The following TBCD variants were observed in gnomAD, a reference collection of about 807,000 sequenced individuals.
TBCD encodes tubulin folding cofactor D.
TBCD carries 105 observed loss-of-function variants against 169.3 expected under a neutral mutation model. That is an observed-to-expected ratio of 0.62 (90% CI 0.53 to 0.73). The LOEUF (loss-of-function observed/expected upper bound fraction) is 0.73. Among genes scored for constraint, TBCD ranks in the 30% least tolerant of loss-of-function variants. The pLI is 0.00. For missense variants in TBCD, 1,444 were observed against 1,600.1 expected (o/e 0.90, Z 1.66); for synonymous variants, 700 against 643.9 (o/e 1.09, Z -1.32).
chr17:82,787,524 T>G (rs1479137198), intron 7 of TBCD, among the ~76,000 whole-genome samples: 1 of 152,200 alleles, frequency 6.6e-6, no homozygotes, highest in East Asian at 1.9e-4. Context: ...CAGGAGGAAG[T>G]CGTGCTGGGT....
chr17:82,887,148 T>TGTGTGTGTGTGTGTGTGTGTGTGC, intron 15 of TBCD, among the ~76,000 whole-genome samples: 1 of 107,120 alleles, frequency 9.3e-6, no homozygotes, highest in East Asian at 2.3e-4. Flanking sequence ...TGTGTGTGTG[T>TGTGTGTGTGTGTGTGTGTGTGTGC]GTGTGTGTGT....
chr17:82,909,277 A>G lies in TBCD; in HGVS notation c.1984-8A>G, dbSNP rs72861530. 0.082 allele frequency: 122,871 copies of G among 1,507,294 alleles called. 5,618 individuals carry two copies. The highest frequency in any genetic ancestry group is 0.094 in the Middle Eastern group (533 of 5,660). 93.4% of individuals were successfully genotyped at this position (1,507,294 alleles called of 1,614,324 possible). ...ATCATTAAATAACTTTCAGTTTTTT[A>G]TTTTCAGCTCTATGATCGTCAGTTA... is the stretch of plus-strand genomic sequence containing the variant. On this transcript the variant is annotated splice_region_variant and splice_polypyrimidine_tract_variant and intron_variant, in intron 21 of 38. Transcript: ENST00000355528.
chr17:82,805,945 C>T lies in TBCD; in HGVS notation c.1021C>T (p.Pro341Ser). Residue 341 changes from proline to serine, a missense_variant, in exon 10 of 39, where the codon CCA becomes TCA. Coordinates refer to ENST00000355528, the MANE Select transcript of TBCD (RefSeq NM_005993.5). Reference sequence around the variant, plus strand: ...CACTCAGGGTCAGAGTGAGCAGAAGCCACTCATCCTGACCGAAGATGACGA... The same window carrying T: ...CACTCAGGGTCAGAGTGAGCAGAAGTCACTCATCCTGACCGAAGATGACGA... ...LLTQGQSEQK[P>S]LILTEDDDED... 1 of 1,613,812 alleles carries T rather than the reference C, an allele frequency of 6.2e-7. No homozygotes were observed. The highest frequency in any genetic ancestry group is 8.5e-7 in the Non-Finnish European group (1 of 1,179,784).
At position 82,880,211 on chromosome 17, in the gene TBCD, G is replaced by A. The variant is rs577175962; in HGVS notation, c.1476-3934G>A. ...TATCAGTCTGTCTAGATGGGGTCTC[G>A]CTGTGTTGCCCAGACTGTACTCAAA... On this transcript the variant is annotated intron_variant, in intron 14 of 38. Transcript: ENST00000355528. The surrounding 1 kb of genome is among the most constrained non-coding windows in gnomAD (Gnocchi z 5.0). 2.6e-5 allele frequency among the ~76,000 whole-genome samples: 4 copies of A among 152,066 alleles called. No homozygotes were observed. The highest frequency in any genetic ancestry group is 2.0e-4 in the Admixed American group (3 of 15,286).
intron 12 of TBCD, among the ~76,000 whole-genome samples, chr17:82,811,250 G>A (rs563465612): frequency 2.6e-5 from 4 of 152,318 alleles, no homozygotes; most frequent in African/African-American, 9.6e-5. Flanking sequence ...TGCCTGTCTG[G>A]ACTTTGCCTC....
chr17:82,829,270 C>A (rs1329100708), intron 13 of TBCD, among the ~76,000 whole-genome samples: 2 of 150,888 alleles, frequency 1.3e-5, no homozygotes, highest in Non-Finnish European at 3.0e-5. Context: ...CCTACACGCA[C>A]TCGCAGACAT....
At chr17:82,783,257 A>G (rs2049074856) in intron 7 of TBCD, among the ~76,000 whole-genome samples, 1 of 152,102 alleles carries the variant, frequency 6.6e-6, no homozygotes, top group African/African-American at 2.4e-5. Flanking sequence ...TGTGAGAGAA[A>G]ACTGCAGACG....
In TBCD at chr17:82,927,877, G is replaced by A. The variant is rs759764959; in HGVS notation, c.2610-28G>A. ...GGTTGGAACCCCCCTCTCAAGCTGG[G>A]TGTCTCTGCCTCTCCTTGTCCCATC... On this transcript the variant is annotated intron_variant, in intron 29 of 38. Coordinates refer to ENST00000355528, the MANE Select transcript of TBCD (RefSeq NM_005993.5). 3.6e-5 allele frequency: 58 copies of A among 1,606,024 alleles called. No individual in the cohort carries two copies. In the South Asian group the frequency reaches 4.7e-4, roughly 13 times the overall value.
intron 22 of TBCD, among the ~76,000 whole-genome samples, chr17:82,911,365 G>T (rs2060630346): frequency 6.6e-6 from 1 of 151,554 alleles, no homozygotes; most frequent in Non-Finnish European, 1.5e-5. Context: ...GAGCAGCCCG[G>T]AGCTCCGCCT....
chr17:82,805,668 C>T (rs1024770885), intron 9 of TBCD, among the ~76,000 whole-genome samples: 7 of 152,186 alleles, frequency 4.6e-5, no homozygotes, highest in African/African-American at 1.4e-4. Context: ...GGACTCGGGG[C>T]GTGTTTTGTG....
At chr17:82,848,597 C>T (rs959268854) in intron 13 of TBCD, among the ~76,000 whole-genome samples, 4 of 152,158 alleles carry the variant, frequency 2.6e-5, no homozygotes, top group Non-Finnish European at 5.9e-5. Flanking sequence ...TCTACATGCA[C>T]AGCAGCCAGG....
intron 21 of TBCD, among the ~76,000 whole-genome samples, chr17:82,908,819 G>T (rs956588788): frequency 2.0e-5 from 3 of 152,218 alleles, no homozygotes; most frequent in Non-Finnish European, 2.9e-5. Context: ...GAGAATTAAA[G>T]AATACATTTT....
At chr17:82,813,941 A>G (rs780027763) in intron 12 of TBCD, among the ~76,000 whole-genome samples, 1 of 152,114 alleles carries the variant, frequency 6.6e-6, no homozygotes, top group Non-Finnish European at 1.5e-5. Flanking sequence ...CGATTTTCCT[A>G]AGTATTCTTG....
rs541191858 is a variant in TBCD at position 82,920,769 on chromosome 17, A to G, written c.2101+151A>G. On this transcript the variant is annotated intron_variant, in intron 24 of 38. Transcript: ENST00000355528. The surrounding 1 kb of genome is among the most constrained non-coding windows in gnomAD (Gnocchi z 4.1). ...GATACGTTGCCTTGAAGTTGTTACA[A>G]GAACCTGCTTAAATAATGGGTACCC... Among the ~76,000 whole-genome samples the G allele has an allele frequency of 4.0e-5, 6 of 150,546 alleles. No individual in the cohort carries two copies. The East Asian group carries it at 1.2e-3, about 30-fold the overall frequency.
At chr17:82,852,236 CT>C (rs1471363466) in intron 13 of TBCD, among the ~76,000 whole-genome samples, 2 of 151,558 alleles carry the variant, frequency 1.3e-5, no homozygotes, top group East Asian at 3.9e-4. Flanking sequence ...ACCGTGCCCC[CT>C]GTGGTCCTCT....
At chr17:82,859,062 G>A (rs1378718080) in intron 13 of TBCD, among the ~76,000 whole-genome samples, 2 of 152,118 alleles carry the variant, frequency 1.3e-5, no homozygotes, top group Non-Finnish European at 2.9e-5. Flanking sequence ...TGCCGGCTCT[G>A]TGTCCTCCCC....
chr17:82,942,422 C>A lies in TBCD; in HGVS notation c.3565-27C>A, dbSNP rs375405219. The A allele has an allele frequency of 2.5e-6, 4 of 1,613,832 alleles. No individual in the cohort carries two copies. In the African/African-American group the frequency reaches 5.3e-5, roughly 22 times the overall value. ...AATGGTGTGTGTTGGAGCTGACCAGCCTGAGCTTGTCTTGTCTCTTCTTCA... is the reference window on the plus strand; with the variant it reads ...AATGGTGTGTGTTGGAGCTGACCAGACTGAGCTTGTCTTGTCTCTTCTTCA... On this transcript the variant is annotated intron_variant, in intron 38 of 38. Coordinates refer to ENST00000355528, the MANE Select transcript of TBCD (RefSeq NM_005993.5).
intron 13 of TBCD, among the ~76,000 whole-genome samples, chr17:82,834,047 C>T (rs1213282918): frequency 6.6e-6 from 1 of 152,058 alleles, no homozygotes; most frequent in African/African-American, 2.4e-5. Context: ...TGGGTTCAAG[C>T]GATTCTCCTG....
intron 34 of TBCD, among the ~76,000 whole-genome samples, chr17:82,933,195 T>C (rs993759712): frequency 4.0e-5 from 6 of 151,292 alleles, no homozygotes; most frequent in Non-Finnish European, 8.8e-5. Context: ...TGGTCTCAGC[T>C]GGGTTGTTGG....
Sources: allele counts gnomAD v4.1 joint callset (sites outside exome capture counted in the v4.1 genomes callset), GRCh38; gene constraint gnomAD v4.1.1; non-coding constraint Gnocchi (gnomAD v3.1); transcripts MANE v1.5; gene names NCBI Gene and HGNC (gene_info 2026-07-23, HGNC 2026-07-21).